Variants in ASB15 observed in about 807,000 individuals in gnomAD.
ASB15 encodes ankyrin repeat and SOCS box containing 15.
ASB15 carries 54 observed loss-of-function variants against 58.0 expected under a neutral mutation model. That is an observed-to-expected ratio of 0.93 (90% CI 0.75 to 1.17). ASB15 has a LOEUF of 1.17. Ranked by LOEUF, ASB15 falls within the 50% of genes most tolerant of loss-of-function variation. ASB15 has a pLI of 0.00. For missense variants in ASB15, 680 were observed against 707.4 expected (o/e 0.96, Z 0.44); for synonymous variants, 249 against 262.4 (o/e 0.95, Z 0.50).
intron 11 of ASB15, among the ~76,000 whole-genome samples, chr7:123,635,643 C>CA (rs1802386700): frequency 9.8e-6 from 1 of 101,848 alleles, no homozygotes; most frequent in South Asian, 3.5e-4. Context: ...TTTAGAAAGA[C>CA]AATCCAAGTA....
At chr7:123,570,566 C>T (rs893633939) in intron 1 of ASB15, among the ~76,000 whole-genome samples, 53 of 152,288 alleles carry the variant, frequency 3.5e-4, no homozygotes, top group African/African-American at 1.2e-3. Flanking sequence ...TTCTGACGTC[C>T]TCACTCACTC....
chr7:123,619,322 G>A (rs563443838), intron 7 of ASB15, among the ~76,000 whole-genome samples: 2 of 151,914 alleles, frequency 1.3e-5, no homozygotes, highest in South Asian at 2.1e-4. Context: ...GAAAATTAGT[G>A]TTATAAGTGC....
chr7:123,589,570 G>T (rs1799474781), intron 1 of ASB15, among the ~76,000 whole-genome samples: 1 of 151,988 alleles, frequency 6.6e-6, no homozygotes, highest in Non-Finnish European at 1.5e-5. Context: ...AATATGCTGT[G>T]TTTGGTTTTA....
rs1802478357 is a variant in ASB15 at position 123,637,368 on chromosome 7, T to G, written c.*387T>G. On this transcript the variant is annotated 3_prime_UTR_variant, in exon 12 of 12. Coordinates refer to ENST00000451215, the MANE Select transcript of ASB15 (RefSeq NM_001290258.2). ...GCTGTGTAAAAGAGCTCCTCCTGCC[T>G]GTAAGTTCACAGACTGTGATCTGGC... 1 of 156,916 alleles carries G rather than the reference T, an allele frequency of 6.4e-6. No homozygotes were observed. The highest frequency in any genetic ancestry group is 1.4e-5 in the Non-Finnish European group (1 of 71,028). The allele number at this position is 156,916 out of a possible 1,614,324, so 9.7% of individuals were successfully genotyped here.
At chr7:123,600,127 A>G (rs1351804516), upstream of ASB15, among the ~76,000 whole-genome samples, 14 of 151,958 alleles carry the variant, frequency 9.2e-5, 1 homozygote, top group Admixed American at 9.2e-4. Flanking sequence ...TGGTCATTGT[A>G]TCATCATCAT....
At chr7:123,589,994 T>A (rs1424191964) in intron 1 of ASB15, among the ~76,000 whole-genome samples, 3 of 152,202 alleles carry the variant, frequency 2.0e-5, no homozygotes, top group African/African-American at 4.8e-5. Flanking sequence ...GTTTCCTGAA[T>A]TTTTAATGAT....
At chr7:123,634,748 A>G (rs1802322810) in intron 11 of ASB15, among the ~76,000 whole-genome samples, 1 of 152,240 alleles carries the variant, frequency 6.6e-6, no homozygotes, top group African/African-American at 2.4e-5. Flanking sequence ...TAATTTAAAA[A>G]GATATAATTA....
chr7:123,606,628 C>G (rs1003894436), intron 2 of ASB15, among the ~76,000 whole-genome samples: 1 of 152,168 alleles, frequency 6.6e-6, no homozygotes, highest in Non-Finnish European at 1.5e-5. Context: ...CCAGCACCTC[C>G]TAGCCCCAGG....
chr7:123,584,622 C>T (rs956337889), intron 1 of ASB15, among the ~76,000 whole-genome samples: 2 of 151,914 alleles, frequency 1.3e-5, no homozygotes, highest in African/African-American at 4.8e-5. Context: ...GCAAGAAAAT[C>T]AACCTAAAAT....
intron 1 of ASB15, among the ~76,000 whole-genome samples, chr7:123,581,093 G>A (rs534514833): frequency 2.0e-5 from 3 of 151,896 alleles, no homozygotes; most frequent in Admixed American, 6.6e-5. Flanking sequence ...TTGTATTTAC[G>A]GATAATTCAG....
intron 1 of ASB15, chr7:123,567,214 C>T (rs944649826): frequency 6.6e-6 from 1 of 152,114 alleles, no homozygotes; most frequent in African/African-American, 2.4e-5. Flanking sequence ...GAACATCATC[C>T]TTGGCATCAG....
chr7:123,624,650 G>T lies in ASB15; in HGVS notation c.533G>T (p.Trp178Leu), dbSNP rs780625986. The change falls in exon 8 of 12, where the codon TGG becomes TTG. Residue 178 changes from tryptophan (W) to leucine (L), a missense_variant. Coordinates refer to ENST00000451215, the MANE Select transcript of ASB15 (RefSeq NM_001290258.2). ...CTAGACCAGCCCTGTGTCAAGCGAT[G>T]GTCAGCAATGCATGAAGCAGCCAAG... ...TSLDQPCVKR[W>L]SAMHEAAKQG... 2 of 1,614,008 alleles carry T rather than the reference G, an allele frequency of 1.2e-6. No individual in the cohort carries two copies. Among genetic ancestry groups the T allele is most frequent in the East Asian group, 4.5e-5 (2 of 44,886 alleles).
intron 1 of ASB15, among the ~76,000 whole-genome samples, chr7:123,602,220 C>A (rs1023252350): frequency 1.3e-5 from 2 of 151,898 alleles, no homozygotes; most frequent in Non-Finnish European, 2.9e-5. Context: ...TATAGAATCC[C>A]AGAAGGGTCT....
intron 1 of ASB15, among the ~76,000 whole-genome samples, chr7:123,578,450 T>C (rs554293284): frequency 1.3e-5 from 2 of 151,946 alleles, no homozygotes; most frequent in Non-Finnish European, 2.9e-5. Context: ...CTTTCCTCCT[T>C]CTACTTATTT....
At chr7:123,624,465 A>G (rs949181898) in intron 7 of ASB15, 104 bp from the exon 8 acceptor site, 4 of 1,080,346 alleles carry the variant, frequency 3.7e-6, no homozygotes, top group African/African-American at 3.2e-5. Flanking sequence ...AAAAAAAGTT[A>G]CTAGCTAGTA....
At chr7:123,628,251 T>TA (rs1255318610) in intron 9 of ASB15, among the ~76,000 whole-genome samples, 1 of 152,232 alleles carries the variant, frequency 6.6e-6, no homozygotes, top group Non-Finnish European at 1.5e-5. Flanking sequence ...AGAGTGTTCA[T>TA]GGTCAATATT....
At chr7:123,603,787 C>A (rs1454789122) in intron 1 of ASB15, among the ~76,000 whole-genome samples, 1 of 152,112 alleles carries the variant, frequency 6.6e-6, no homozygotes, top group Non-Finnish European at 1.5e-5. Flanking sequence ...CATACAATTG[C>A]ACAGAAAACA....
chr7:123,625,809 C>T (rs1432287114), intron 8 of ASB15, among the ~76,000 whole-genome samples: 1 of 152,150 alleles, frequency 6.6e-6, no homozygotes, highest in African/African-American at 2.4e-5. Context: ...CTGCAAATGA[C>T]CTCTAGAACC....
Position 123,627,217 on chromosome 7 carries a change from G to C in ASB15, c.805G>C (p.Gly269Arg). Reference protein sequence around the residue: ...ISLLLEYGGSGNVPNRAGHLP... With the variant: ...ISLLLEYGGSRNVPNRAGHLP... ...CCTCCTGCTGGAATATGGAGGAAGC[G>C]GAAATGTACCTAACCGAGCAGGACA... The change falls in exon 9 of 12, where the codon GGA (glycine) becomes CGA (arginine). Residue 269 changes from glycine (G) to arginine (R), a missense_variant. Transcript: ENST00000451215. 6.2e-7 allele frequency: 1 copy of C among 1,613,984 alleles called. No homozygotes were observed. The highest frequency in any genetic ancestry group is 8.5e-7 in the Non-Finnish European group (1 of 1,179,928).
Sources: allele counts gnomAD v4.1 joint callset (sites outside exome capture counted in the v4.1 genomes callset), GRCh38; gene constraint gnomAD v4.1.1; transcripts MANE v1.5; gene names NCBI Gene and HGNC (gene_info 2026-07-23, HGNC 2026-07-21).